BCAS3: variants seen among roughly 807,000 people sequenced by gnomAD.
The protein encoded by BCAS3 is BCAS3 microtubule associated cell migration factor, also known as BCAS4/BCAS3 fusion.
A neutral mutation model predicts 116.1 loss-of-function variants in BCAS3; 53 were observed. The observed-to-expected ratio is 0.46, with a 90% CI of 0.37 to 0.57. The LOEUF is 0.57. Among genes scored for constraint, BCAS3 ranks in the 20% least tolerant of loss-of-function variants. BCAS3 has a pLI of 0.00. For missense variants in BCAS3, 917 were observed against 1,165.4 expected (o/e 0.79, Z 3.10); for synonymous variants, 391 against 408.2 (o/e 0.96, Z 0.51).
chr17:60,853,959 G>T (rs1224763250), intron 7 of BCAS3, among the ~76,000 whole-genome samples: 1 of 151,802 alleles, frequency 6.6e-6, no homozygotes, highest in Non-Finnish European at 1.5e-5. Context: ...GTGCAGGTTT[G>T]TTACATACGT....
At chr17:60,737,795 A>AT (rs985241840) in intron 5 of BCAS3, among the ~76,000 whole-genome samples, 1 of 150,622 alleles carries the variant, frequency 6.6e-6, no homozygotes, top group East Asian at 1.9e-4. Flanking sequence ...TATTATTATT[A>AT]TTTTTTTTGA....
Position 61,392,446 on chromosome 17 carries a change from G to C in BCAS3, c.*321G>C, listed in dbSNP as rs1234374936. The stretch of plus-strand genomic sequence containing the variant: ...TTTTAACCATACCCACGGTGGGGCG[G>C]GTGGGGGGAGCCTGGAACAGTGACC... On this transcript the variant is annotated 3_prime_UTR_variant, in exon 24 of 24. Transcript: ENST00000407086. The surrounding 1 kb of genome is among the most constrained non-coding windows in gnomAD (Gnocchi z 6.4). 9.5e-6 allele frequency: 2 copies of C among 209,840 alleles called. No individual in the cohort carries two copies. The highest frequency in any genetic ancestry group is 4.6e-5 in the African/African-American group (2 of 43,210). The allele number at this position is 209,840 out of a possible 1,614,324, so 13.0% of individuals were successfully genotyped here.
chr17:60,755,679 A>T (rs1388626184), intron 6 of BCAS3, among the ~76,000 whole-genome samples: 1 of 152,168 alleles, frequency 6.6e-6, no homozygotes, highest in Non-Finnish European at 1.5e-5. Flanking sequence ...TCCTGATATT[A>T]GATATTCTTC....
chr17:61,300,915 A>C lies in BCAS3; in HGVS notation c.2426-67412A>C, dbSNP rs1424127662. 2.0e-5 allele frequency among the ~76,000 whole-genome samples: 3 copies of C among 152,252 alleles called. No individual in the cohort carries two copies. Among genetic ancestry groups the C allele is most frequent in the Non-Finnish European group, 4.4e-5 (3 of 68,046 alleles). On this transcript the variant is annotated intron_variant, in intron 22 of 23. Transcript: ENST00000407086. This position sits in a 1 kb window ranked among gnomAD's most constrained non-coding sequence, Gnocchi z 5.1. ...CATCTTAGTGCCACAGACCACTGGC[A>C]ATCTGGCCAAGCCTGCAGACCCTTT...
Position 61,387,936 on chromosome 17 carries a change from C to A in BCAS3, c.2594-4041C>A, listed in dbSNP as rs868389916. ...TCTAGCCACTTGCCTGGAAGCCACT[C>A]CTCCTCTCCTGCCCTACTTTGGGGC... On this transcript the variant is annotated intron_variant, in intron 23 of 23. Coordinates refer to ENST00000407086, the MANE Select transcript of BCAS3 (RefSeq NM_017679.5). This position sits in a 1 kb window ranked among gnomAD's most constrained non-coding sequence, Gnocchi z 6.2. Among the ~76,000 whole-genome samples, 2 of 152,304 alleles carry A rather than the reference C, an allele frequency of 1.3e-5. No homozygotes were observed. The highest frequency in any genetic ancestry group is 4.8e-5 in the African/African-American group (2 of 41,562).
At chr17:60,834,077 G>A (rs1405596352) in intron 7 of BCAS3, among the ~76,000 whole-genome samples, 1 of 152,020 alleles carries the variant, frequency 6.6e-6, no homozygotes, top group Non-Finnish European at 1.5e-5. Context: ...TTATACTAAT[G>A]TGGCTTTATC....
rs952351972 is a variant in BCAS3 at position 61,323,644 on chromosome 17, A to G, written c.2426-44683A>G. 2.0e-5 allele frequency among the ~76,000 whole-genome samples: 3 copies of G among 152,202 alleles called. No individual in the cohort carries two copies. The highest frequency in any genetic ancestry group is 1.3e-4 in the Admixed American group (2 of 15,282). The stretch of plus-strand genomic sequence containing the variant: ...TGAATTTGGGGAGAAATTGGTGACC[A>G]AGGGTCTCCAGTTCCTTCCTCCATA... On this transcript the variant is annotated intron_variant, in intron 22 of 23. Coordinates refer to ENST00000407086, the MANE Select transcript of BCAS3 (RefSeq NM_017679.5). The surrounding 1 kb of genome is among the most constrained non-coding windows in gnomAD (Gnocchi z 4.6).
At chr17:60,716,140 C>T (rs1186120459) in intron 5 of BCAS3, among the ~76,000 whole-genome samples, 3 of 152,216 alleles carry the variant, frequency 2.0e-5, no homozygotes, top group South Asian at 2.1e-4. Flanking sequence ...GGATTACAGG[C>T]GTGAGCCACC....
At chr17:61,283,920 G>C (rs747709182) in intron 22 of BCAS3, among the ~76,000 whole-genome samples, 7 of 152,158 alleles carry the variant, frequency 4.6e-5, no homozygotes, top group Non-Finnish European at 1.0e-4. Context: ...ACCACACCCA[G>C]TTGTAAATTG....
In BCAS3 at chr17:61,038,241, C is replaced by A. The variant is rs1196854468; in HGVS notation, c.1928+187C>A. Among the ~76,000 whole-genome samples the A allele has an allele frequency of 2.6e-5, 4 of 151,960 alleles. 1 individual carries two copies. The South Asian group carries it at 8.3e-4, about 32-fold the overall frequency. ...TTTGTAATCTCTCCTTCTTTCACCC[C>A]CTTTGTCTCTACAGATTAGTTTACA... On this transcript the variant is annotated intron_variant, in intron 18 of 23. Transcript: ENST00000407086.
At chr17:61,319,578 T>C (rs1418014004) in intron 22 of BCAS3, among the ~76,000 whole-genome samples, 1 of 151,814 alleles carries the variant, frequency 6.6e-6, no homozygotes, top group Non-Finnish European at 1.5e-5. Context: ...TTTTTTTCAA[T>C]ATATCACGAG....
chr17:61,247,538 A>G (rs1325587263), intron 22 of BCAS3, among the ~76,000 whole-genome samples: 2 of 152,156 alleles, frequency 1.3e-5, no homozygotes, highest in Admixed American at 6.5e-5. Context: ...TTGTCCATTT[A>G]GTTATCCTTG....
chr17:60,717,079 A>G (rs1793447722), intron 5 of BCAS3, among the ~76,000 whole-genome samples: 1 of 152,172 alleles, frequency 6.6e-6, no homozygotes. Flanking sequence ...TGGTCTGGGA[A>G]AGCCTCTCAA....
At chr17:60,767,591 C>T (rs2144394079) in intron 6 of BCAS3, among the ~76,000 whole-genome samples, 1 of 152,164 alleles carries the variant, frequency 6.6e-6, no homozygotes, top group South Asian at 2.1e-4. Flanking sequence ...AAGTGATCCA[C>T]CCTCTTCAGC....
chr17:60,750,502 A>G (rs1425523915), intron 6 of BCAS3, among the ~76,000 whole-genome samples: 1 of 152,204 alleles, frequency 6.6e-6, no homozygotes, highest in Non-Finnish European at 1.5e-5. Context: ...AAAAGACATA[A>G]AGATTAGAAA....
At chr17:60,947,537 A>G (rs942234814) in intron 14 of BCAS3, among the ~76,000 whole-genome samples, 185 bp downstream of exon 14, 1 of 152,196 alleles carries the variant, frequency 6.6e-6, no homozygotes, top group African/African-American at 2.4e-5. Flanking sequence ...TAAGCACTAG[A>G]TGAACATTTT....
At chr17:60,850,979 G>A (rs2095424819) in intron 7 of BCAS3, among the ~76,000 whole-genome samples, 1 of 152,188 alleles carries the variant, frequency 6.6e-6, no homozygotes, top group Non-Finnish European at 1.5e-5. Context: ...GTATGGAAAG[G>A]CAATGCTCCT....
intron 22 of BCAS3, among the ~76,000 whole-genome samples, chr17:61,152,178 G>T (rs188778630): frequency 6.6e-6 from 1 of 152,206 alleles, no homozygotes; most frequent in Non-Finnish European, 1.5e-5. Flanking sequence ...CTTTCACAGC[G>T]TGGAAGGGGA....
intron 4 of BCAS3, among the ~76,000 whole-genome samples, chr17:60,700,649 G>C (rs900261498): frequency 7.2e-5 from 11 of 152,204 alleles, no homozygotes; most frequent in African/African-American, 2.7e-4. Flanking sequence ...TGCTCCAGCA[G>C]AGAGAATGGT....
Sources: allele counts gnomAD v4.1 joint callset (sites outside exome capture counted in the v4.1 genomes callset), GRCh38; gene constraint gnomAD v4.1.1; non-coding constraint Gnocchi (gnomAD v3.1); transcripts MANE v1.5; gene names NCBI Gene and HGNC (gene_info 2026-07-23, HGNC 2026-07-21).